ACTN4: variants seen among roughly 807,000 people sequenced by gnomAD.
The protein encoded by ACTN4 is actinin alpha 4.
In ACTN4, 18 loss-of-function variants were observed where a neutral mutation model predicts 114.2. The ratio of observed to expected loss-of-function variants is 0.16; its 90% confidence interval spans 0.11 to 0.23. ACTN4 has a LOEUF of 0.23. Among genes scored for constraint, ACTN4 ranks in the 10% least tolerant of loss-of-function variants. ACTN4 has a pLI of 1.00. For missense variants in ACTN4, 722 were observed against 1,262.9 expected, an observed-to-expected ratio of 0.57 and a Z score of 6.49; for synonymous variants, 515 against 506.3, an observed-to-expected ratio of 1.02 and a Z score of -0.23.
chr19:38,728,291 T>G, intron 19 of ACTN4: 1 of 1,529,738 alleles, frequency 6.5e-7, no homozygotes. Context: ...CGGCCTCCTC[T>G]GCTATGCCTG....
chr19:38,702,293 G>A (rs1386559752), intron 3 of ACTN4, among the ~76,000 whole-genome samples: 1 of 152,204 alleles, frequency 6.6e-6, no homozygotes, highest in African/African-American at 2.4e-5. Flanking sequence ...TGTGACTGTG[G>A]GGCCTTGGAA....
At chr19:38,718,100 G>T (rs1466654069) in intron 11 of ACTN4, 26 bp downstream of exon 11, 2 of 1,586,886 alleles carry the variant, frequency 1.3e-6, no homozygotes, top group East Asian at 2.3e-5. Flanking sequence ...GCCCCACTCT[G>T]CCCAGCCCCG....
chr19:38,667,791 A>C (rs1036274221), intron 1 of ACTN4, among the ~76,000 whole-genome samples: 2 of 151,932 alleles, frequency 1.3e-5, no homozygotes, highest in Non-Finnish European at 2.9e-5. Context: ...ATGTGCCTCC[A>C]GGAACCGTCT....
At position 38,731,092 on chromosome 19, in the gene ACTN4, CG is replaced by C; in HGVS notation, c.*1664del. 6.2e-7 allele frequency: 1 copy of C among 1,603,382 alleles called. No individual in the cohort carries two copies. Among genetic ancestry groups the C allele is most frequent in the Non-Finnish European group, 8.5e-7 (1 of 1,175,444 alleles). On this transcript the variant is annotated 3_prime_UTR_variant, in exon 21 of 21. Transcript: ENST00000252699. ...CCCTTCCCCCCATGCCCCACCATGC[CG>C]GGGTGGTACTCACAGAAGATGCAGG...
At position 38,647,711 on chromosome 19, in the gene ACTN4, G is replaced by C. The variant is rs1460138908; in HGVS notation, c.-35G>C. 2.0e-6 allele frequency: 3 copies of C among 1,524,350 alleles called. No individual in the cohort carries two copies. Among genetic ancestry groups the C allele is most frequent in the Non-Finnish European group, 2.6e-6 (3 of 1,136,920 alleles). 94.4% of individuals were successfully genotyped at this position (1,524,350 alleles called of 1,614,324 possible). A position where few individuals can be genotyped will look rare whatever the true frequency, so the allele number is the denominator to read the frequency against. On this transcript the variant is annotated 5_prime_UTR_variant, in exon 1 of 21. Transcript: ENST00000252699. ...CAGAGGGGCGGGAGCTGAGGCGGGA[G>C]CGGACAGGCTGGTGGGCGAGCGAGA...
intron 1 of ACTN4, among the ~76,000 whole-genome samples, chr19:38,649,764 G>A (rs1183915307): frequency 1.3e-5 from 2 of 152,134 alleles, no homozygotes; most frequent in East Asian, 3.8e-4. Flanking sequence ...AGGCAGCCTA[G>A]CCCAGGCTGG....
chr19:38,704,510 C>A (rs1368963386), intron 3 of ACTN4, among the ~76,000 whole-genome samples: 2 of 152,268 alleles, frequency 1.3e-5, no homozygotes, highest in Non-Finnish European at 2.9e-5. Flanking sequence ...CCACCTTTGC[C>A]CTGAGAGTGG....
chr19:38,673,646 TTTATATATTTATATATA>T (rs1251883788), intron 1 of ACTN4, among the ~76,000 whole-genome samples: 1 of 51,558 alleles, frequency 1.9e-5, no homozygotes, highest in African/African-American at 6.6e-5. Context: ...TTTATATATA[TTTATATATTTATATATA>T]TTATATATAT....
chr19:38,684,296 T>C (rs1220506720), intron 1 of ACTN4, among the ~76,000 whole-genome samples: 1 of 152,160 alleles, frequency 6.6e-6, no homozygotes, highest in Non-Finnish European at 1.5e-5. Flanking sequence ...AGCCCCTTAG[T>C]GGCTTTCATG....
intron 9 of ACTN4, 109 bp downstream of exon 9, chr19:38,714,670 G>C (rs1440145215): frequency 1.7e-6 from 2 of 1,145,298 alleles, no homozygotes; most frequent in Non-Finnish European, 2.6e-6. Flanking sequence ...ACCTAGAAAA[G>C]GCTGCGTGGT....
chr19:38,660,444 G>A (rs184843841), intron 1 of ACTN4, among the ~76,000 whole-genome samples: 1 of 151,594 alleles, frequency 6.6e-6, no homozygotes, highest in Admixed American at 6.6e-5. Context: ...TGCCCAGGCT[G>A]GAGTGCAATG....
In ACTN4 at chr19:38,729,846, G is replaced by T. The variant is rs1462104786; in HGVS notation, c.*414G>T. 4 of 373,656 alleles carry T rather than the reference G, an allele frequency of 1.1e-5. No individual in the cohort carries two copies. Among genetic ancestry groups the T allele is most frequent in the Non-Finnish European group, 2.1e-5 (4 of 190,322 alleles). The allele number at this position is 373,656 out of a possible 1,614,324, so 23.1% of individuals were successfully genotyped here. ...GCCCCATGTGCCTTGTCCAGGAACT[G>T]CCTGGGCCATGCGAGGGGCCAGCAG... On this transcript the variant is annotated 3_prime_UTR_variant, in exon 21 of 21. Transcript: ENST00000252699.
chr19:38,685,329 ACT>A (rs990545479), intron 1 of ACTN4, among the ~76,000 whole-genome samples: 3 of 152,212 alleles, frequency 2.0e-5, no homozygotes, highest in Admixed American at 6.5e-5. Context: ...AGTTTAGGTA[ACT>A]CTTAACACCA....
At position 38,656,469 on chromosome 19, in the gene ACTN4, C is replaced by T. The variant is rs1976714923; in HGVS notation, c.162+8562C>T. On this transcript the variant is annotated intron_variant, in intron 1 of 20. Transcript: ENST00000252699. ...CTGCCACCCCTTCATCGGATTTGAA[C>T]CCTACATTTTGAAAGGAAAGCAGTG... 2.0e-5 allele frequency among the ~76,000 whole-genome samples: 3 copies of T among 152,192 alleles called. No individual in the cohort carries two copies. In the South Asian group the frequency reaches 6.2e-4, roughly 31 times the overall value.
intron 3 of ACTN4, 63 bp downstream of exon 3, chr19:38,701,184 A>C: frequency 6.2e-7 from 1 of 1,608,906 alleles, no homozygotes; most frequent in South Asian, 1.1e-5. Context: ...TCTGAAGCAC[A>C]ACATCTGCAT....
chr19:38,722,168 T>A (rs957704181), intron 12 of ACTN4, among the ~76,000 whole-genome samples: 7 of 152,012 alleles, frequency 4.6e-5, no homozygotes, highest in Admixed American at 1.3e-4. Flanking sequence ...CTCCTTCCCC[T>A]CCCCACCCAG....
At chr19:38,699,221 G>A (rs1214647635) in intron 1 of ACTN4, among the ~76,000 whole-genome samples, 3 of 152,326 alleles carry the variant, frequency 2.0e-5, no homozygotes, top group African/African-American at 7.2e-5. Context: ...CCAGCTTGCA[G>A]GGGGCTGAGT....
intron 1 of ACTN4, among the ~76,000 whole-genome samples, chr19:38,668,832 G>A (rs1242197135): frequency 6.6e-6 from 1 of 152,154 alleles, no homozygotes; most frequent in Non-Finnish European, 1.5e-5. Context: ...CGCCTTCATG[G>A]GTTTGAAAAG....
chr19:38,670,079 T>C (rs1967082754), intron 1 of ACTN4, among the ~76,000 whole-genome samples: 1 of 152,196 alleles, frequency 6.6e-6, no homozygotes, highest in Admixed American at 6.5e-5. Flanking sequence ...CTGGTATTTC[T>C]AACATTTTCC....
Sources: allele counts gnomAD v4.1 joint callset (sites outside exome capture counted in the v4.1 genomes callset), GRCh38; gene constraint gnomAD v4.1.1; transcripts MANE v1.5; gene names NCBI Gene and HGNC (gene_info 2026-07-23, HGNC 2026-07-21).